ZNF646: variants seen among roughly 807,000 people sequenced by gnomAD.
The protein encoded by ZNF646 is zinc finger protein 646.
ZNF646 carries 49 observed loss-of-function variants against 115.4 expected under a neutral mutation model. The observed-to-expected ratio is 0.42, with a 90% CI of 0.34 to 0.54. The LOEUF (loss-of-function observed/expected upper bound fraction) is 0.54. ZNF646 is among the 20% of genes least tolerant of loss of function. The probability of loss-of-function intolerance (pLI) is 0.04; values close to 1 mark genes in which losing one functional copy is unlikely to be tolerated. For synonymous variants in ZNF646, 933 were observed against 939.0 expected (o/e 0.99, Z 0.12); for missense variants, 2,269 against 2,457.9 (o/e 0.92, Z 1.62).
chr16:31,073,729 A>C (rs531198815), upstream of ZNF646: 2 of 152,220 alleles, frequency 1.3e-5, no homozygotes, highest in Admixed American at 6.5e-5. Context: ...GGACCCTGCC[A>C]AACAGGGGCC....
chr16:31,079,854 T>C lies in ZNF646; in HGVS notation c.3530T>C (p.Val1177Ala). The change falls in exon 2 of 3, where the codon GTG (valine) becomes GCG (alanine). Residue 1177 changes from valine to alanine, a missense_variant. Val to Ala is a moderately conservative substitution (Grantham distance 64). Transcript: ENST00000300850. This position sits in a 1 kb window ranked among gnomAD's most constrained non-coding sequence, Gnocchi z 5.5. ...GAAGAGGTGTGGGAGGAGACCACTG[T>C]GAAGGGGGAGGAGATAGAGCCCAGG... Reference protein sequence around the residue: ...VKEEVWEETTVKGEEIEPRLE... With the variant: ...VKEEVWEETTAKGEEIEPRLE... 8 of 1,613,046 alleles carry C rather than the reference T, an allele frequency of 5.0e-6. No individual in the cohort carries two copies. Among genetic ancestry groups the C allele is most frequent in the Non-Finnish European group, 6.8e-6 (8 of 1,179,512 alleles).
Position 31,079,862 on chromosome 16 carries a change from G to T in ZNF646, c.3538G>T (p.Glu1180Ter). ...EVWEETTVKG[E>*]EIEPRLETAE... The stretch of plus-strand genomic sequence containing the variant: ...GTGGGAGGAGACCACTGTGAAGGGG[G>T]AGGAGATAGAGCCCAGGCTGGAGAC... Residue 1180 changes from glutamate (E) to a stop codon, truncating the protein, a stop_gained, in exon 2 of 3, where the codon GAG becomes TAG. Transcript: ENST00000300850. LOFTEE classifies it high-confidence loss of function. This position sits in a 1 kb window ranked among gnomAD's most constrained non-coding sequence, Gnocchi z 5.5. 1 of 1,613,110 alleles carries T rather than the reference G, an allele frequency of 6.2e-7. No homozygotes were observed. Among genetic ancestry groups the T allele is most frequent in the Non-Finnish European group, 8.5e-7 (1 of 1,179,374 alleles).
In ZNF646 at chr16:31,080,205, G is replaced by A. The variant is rs201617317; in HGVS notation, c.3881G>A (p.Arg1294Gln). The change falls in exon 2 of 3, where the codon CGG becomes CAG. Residue 1294 changes from arginine (R) to glutamine (Q), a missense_variant. By Grantham distance (43) the Arg-to-Gln change is conservative. Transcript: ENST00000300850. ...RGGGGTRKATREDRPFRCGQC... is the reference protein window; with the variant it reads ...RGGGGTRKATQEDRPFRCGQC... ...GGTGGGGGCACCCGAAAGGCGACTC[G>A]GGAAGATCGGCCCTTCCGCTGTGGG... 52 of 1,609,820 alleles carry A rather than the reference G, an allele frequency of 3.2e-5. No individual in the cohort carries two copies. The East Asian group carries it at 6.7e-4, about 21-fold the overall frequency.
At position 31,076,627 on chromosome 16, in the gene ZNF646, C is replaced by T; in HGVS notation, c.303C>T (p.Gly101=). The change falls in exon 2 of 3, where the codon GGC becomes GGT. Residue 101 remains glycine, a synonymous_variant. Coordinates refer to ENST00000300850, the MANE Select transcript of ZNF646 (RefSeq NM_014699.4). ...KSHMRTHAPE[G]RRRHRPPRPK... is the part of the protein sequence containing the mutation. ...ATATGAGGACACATGCTCCTGAGGG[C>T]CGCCGCAGGCACAGGCCCCCACGCC... 1.2e-6 allele frequency: 2 copies of T among 1,612,928 alleles called. No individual in the cohort carries two copies. Among genetic ancestry groups the T allele is most frequent in the Non-Finnish European group, 1.7e-6 (2 of 1,179,770 alleles).
Position 31,078,195 on chromosome 16 carries a change from A to C in ZNF646, c.1871A>C (p.Lys624Thr). The change falls in exon 2 of 3, where the codon AAG (lysine) becomes ACG (threonine). Residue 624 changes from lysine to threonine, a missense_variant. Transcript: ENST00000300850. ...GCCTTTGCCTGCCGAGACTGTGGAA[A>C]GAGCTATCGCCACTCAGGCAGCCTT... Reference protein sequence around the residue: ...PRAFACRDCGKSYRHSGSLIN... With the variant: ...PRAFACRDCGTSYRHSGSLIN... 1 of 1,614,126 alleles carries C rather than the reference A, an allele frequency of 6.2e-7. No individual in the cohort carries two copies. Among genetic ancestry groups the C allele is most frequent in the Admixed American group, 1.7e-5 (1 of 60,028 alleles).
chr16:31,075,105 GTCA>G (rs376931539), intron 1 of ZNF646, among the ~76,000 whole-genome samples: 303 of 152,244 alleles, frequency 2.0e-3, no homozygotes, highest in African/African-American at 7.2e-3. Flanking sequence ...ATGAGTTGCT[GTCA>G]TCATCAGTAT....
At position 31,082,991 on chromosome 16, in the gene ZNF646, A is replaced by G. The variant is rs1178040432; in HGVS notation, c.5398A>G (p.Thr1800Ala). The G allele has an allele frequency of 6.2e-7, 1 of 1,601,460 alleles. No homozygotes were observed. The highest frequency in any genetic ancestry group is 1.3e-5 in the African/African-American group (1 of 74,332). Residue 1800 changes from threonine to alanine, a missense_variant, in exon 3 of 3, where the codon ACG (threonine) becomes GCG (alanine). Coordinates refer to ENST00000300850, the MANE Select transcript of ZNF646 (RefSeq NM_014699.4). The part of the protein sequence containing the change: ...AGSGAPVAPV[T>A]GRGDLPLPPP... ...CCCAGGAGCCCCAGTGGCACCAGTG[A>G]CGGGCAGAGGGGACTTGCCATTGCC...
At position 31,077,411 on chromosome 16, in the gene ZNF646, C is replaced by A. The variant is rs1383452752; in HGVS notation, c.1087C>A (p.Leu363Met). The A allele has an allele frequency of 6.2e-7, 1 of 1,612,832 alleles. No individual in the cohort carries two copies. The highest frequency in any genetic ancestry group is 8.5e-7 in the Non-Finnish European group (1 of 1,179,708). Reference sequence around the variant, plus strand: ...TGCGGAGCTCAGCACCTCTGGGGAGCTGGAGGACAGTGGCCTGGAGGAATA... The same window carrying A: ...TGCGGAGCTCAGCACCTCTGGGGAGATGGAGGACAGTGGCCTGGAGGAATA... ...GSAELSTSGE[L>M]EDSGLEEYRP... The change falls in exon 2 of 3, where the codon CTG becomes ATG. Residue 363 changes from leucine (L) to methionine (M), a missense_variant. Around this residue, in one of 5 missense-constraint regions of ZNF646, gnomAD observed 852 missense variants for 900.2 expected, o/e 0.95. Transcript: ENST00000300850.
Position 31,079,215 on chromosome 16 carries a change from G to A in ZNF646, c.2891G>A (p.Gly964Asp), listed in dbSNP as rs1317288420. The stretch of plus-strand genomic sequence containing the variant: ...TATGGGCACATCTGTGGCTGCTGTG[G>A]TCAGACCTACGATGACCTGGGGAGC... ...AGYGHICGCCGQTYDDLGSLE... is the reference protein window; with the variant it reads ...AGYGHICGCCDQTYDDLGSLE... The change falls in exon 2 of 3, where the codon GGT becomes GAT. Residue 964 changes from glycine (G) to aspartate (D), a missense_variant. Coordinates refer to ENST00000300850, the MANE Select transcript of ZNF646 (RefSeq NM_014699.4). This position sits in a 1 kb window ranked among gnomAD's most constrained non-coding sequence, Gnocchi z 5.5. 1 of 1,613,460 alleles carries A rather than the reference G, an allele frequency of 6.2e-7. No homozygotes were observed. The highest frequency in any genetic ancestry group is 1.3e-5 in the African/African-American group (1 of 74,940).
Position 31,079,670 on chromosome 16 carries a change from G to C in ZNF646, c.3346G>C (p.Glu1116Gln). ...TGAGCCCCAGGTTGGGCCCATCCCA[G>C]AGGCAGCAGGTAGCAGTGAGCTGCA... is the stretch of plus-strand genomic sequence containing the variant. ...GSEPQVGPIP[E>Q]AAGSSELQVG... Residue 1116 changes from glutamate to glutamine, a missense_variant, in exon 2 of 3, where the codon GAG becomes CAG. By Grantham distance (29) the Glu-to-Gln change is conservative. This residue lies in a region of ZNF646 where 1,062 missense variants were observed against 1,172.8 expected (regional missense o/e 0.91). Transcript: ENST00000300850. The surrounding 1 kb of genome is among the most constrained non-coding windows in gnomAD (Gnocchi z 5.5). 6.2e-7 allele frequency: 1 copy of C among 1,613,462 alleles called. No individual in the cohort carries two copies.
At position 31,082,961 on chromosome 16, in the gene ZNF646, C is replaced by T. The variant is rs1390274298; in HGVS notation, c.5378-10C>T. The T allele has an allele frequency of 5.7e-6, 9 of 1,575,558 alleles. No homozygotes were observed. In the African/African-American group the frequency reaches 1.1e-4, roughly 19 times the overall value. On this transcript the variant is annotated splice_polypyrimidine_tract_variant and intron_variant, in intron 2 of 2. Coordinates refer to ENST00000300850, the MANE Select transcript of ZNF646 (RefSeq NM_014699.4). ...CCTCAGTTGGTGACCTCCTCTCTCT[C>T]TCCCCCCAGGAGCCCCAGTGGCACC...
chr16:31,078,127 A>G lies in ZNF646; in HGVS notation c.1803A>G (p.Glu601=), dbSNP rs2057102044. 2.8e-5 allele frequency: 46 copies of G among 1,614,124 alleles called. No homozygotes were observed. The highest frequency in any genetic ancestry group is 4.5e-5 in the East Asian group (2 of 44,884). The change falls in exon 2 of 3, where the codon GAA becomes GAG. Residue 601 remains glutamate, a synonymous_variant. Transcript: ENST00000300850. The part of the protein sequence containing the change: ...ERHGLTHGAG[E]KENSRTETTM... Reference sequence around the variant, plus strand: ...ATGGCCTGACTCATGGGGCAGGGGAAAAGGAAAATAGCAGAACAGAGACCA... The same window carrying G: ...ATGGCCTGACTCATGGGGCAGGGGAGAAGGAAAATAGCAGAACAGAGACCA...
In ZNF646 at chr16:31,078,152, A is replaced by G; in HGVS notation, c.1828A>G (p.Thr610Ala). 6.2e-7 allele frequency: 1 copy of G among 1,614,092 alleles called. No individual in the cohort carries two copies. Among genetic ancestry groups the G allele is most frequent in the Non-Finnish European group, 8.5e-7 (1 of 1,180,048 alleles). Residue 610 changes from threonine to alanine, a missense_variant, in exon 2 of 3, where the codon ACA (threonine) becomes GCA (alanine). Transcript: ENST00000300850. Reference protein sequence around the residue: ...GEKENSRTETTMSPPRAFACR... With the variant: ...GEKENSRTETAMSPPRAFACR... The stretch of plus-strand genomic sequence containing the variant: ...AAAGGAAAATAGCAGAACAGAGACC[A>G]CAATGTCACCTCCTAGGGCCTTTGC...
chr16:31,081,644 A>G lies in ZNF646; in HGVS notation c.5320A>G (p.Ile1774Val). Residue 1774 changes from isoleucine (I) to valine (V), a missense_variant, in exon 2 of 3, where the codon ATC (isoleucine) becomes GTC (valine). Transcript: ENST00000300850. The stretch of plus-strand genomic sequence containing the variant: ...TTGTCCCCGCCACTTCCGCCGCCGA[A>G]TCAGCTTCGTGCAGCACCAGCAGCA... ...PHCPRHFRRR[I>V]SFVQHQQQHQ... is the part of the protein sequence containing the mutation. The G allele has an allele frequency of 1.2e-6, 2 of 1,607,990 alleles. No homozygotes were observed. Among genetic ancestry groups the G allele is most frequent in the Non-Finnish European group, 1.7e-6 (2 of 1,176,582 alleles).
intron 2 of ZNF646, 65 bp from the exon 3 acceptor site, chr16:31,082,906 G>T: frequency 6.5e-7 from 1 of 1,529,216 alleles, no homozygotes; most frequent in African/African-American, 1.4e-5. Flanking sequence ...TGCAGGGCTG[G>T]GAGGGGGTAC....
intron 2 of ZNF646, chr16:31,082,421 C>T: frequency 5.5e-6 from 1 of 181,690 alleles, no homozygotes; most frequent in Non-Finnish European, 1.3e-5. Context: ...ACCCTCTGCA[C>T]ACCTTTAACT....
chr16:31,078,048 A>C lies in ZNF646; in HGVS notation c.1724A>C (p.His575Pro). ...CCAGCAGCAGACAAGACAGCAGCACATATCTGTAGCATCTGTGGGCTGCTC... is the reference window on the plus strand; with the variant it reads ...CCAGCAGCAGACAAGACAGCAGCACCTATCTGTAGCATCTGTGGGCTGCTC... ...ITPAADKTAA[H>P]ICSICGLLFE... Residue 575 changes from histidine to proline, a missense_variant, in exon 2 of 3, where the codon CAT (histidine) becomes CCT (proline). Physicochemically the swap from His to Pro is moderately conservative, Grantham distance 77 (BLOSUM62 -2). Around this residue, in one of 5 missense-constraint regions of ZNF646, gnomAD observed 852 missense variants for 900.2 expected, o/e 0.95. Coordinates refer to ENST00000300850, the MANE Select transcript of ZNF646 (RefSeq NM_014699.4). 1 of 1,614,188 alleles carries C rather than the reference A, an allele frequency of 6.2e-7. No homozygotes were observed. Among genetic ancestry groups the C allele is most frequent in the Non-Finnish European group, 8.5e-7 (1 of 1,180,032 alleles).
chr16:31,078,352 G>A lies in ZNF646; in HGVS notation c.2028G>A (p.Lys676=). ...HSRRRSRRHR[K]RAGGASGGRE... is the part of the protein sequence containing the mutation. The stretch of plus-strand genomic sequence containing the variant: ...GGCGGCGGAGCAGGCGGCATCGGAA[G>A]CGGGCTGGCGGTGCCAGCGGTGGGA... The change falls in exon 2 of 3, where the codon AAG becomes AAA. Residue 676 remains lysine (K), a synonymous_variant. Coordinates refer to ENST00000300850, the MANE Select transcript of ZNF646 (RefSeq NM_014699.4). 1 of 1,613,116 alleles carries A rather than the reference G, an allele frequency of 6.2e-7. No homozygotes were observed. Among genetic ancestry groups the A allele is most frequent in the Non-Finnish European group, 8.5e-7 (1 of 1,179,792 alleles).
At position 31,076,470 on chromosome 16, in the gene ZNF646, G is replaced by A. The variant is rs200254650; in HGVS notation, c.146G>A (p.Arg49His). Reference protein sequence around the residue: ...EEADSIPRPYRCQQCGRGYRH... With the variant: ...EEADSIPRPYHCQQCGRGYRH... Reference sequence around the variant, plus strand: ...GCTGACAGCATCCCTCGGCCCTACCGTTGTCAGCAGTGTGGGCGGGGCTAC... The same window carrying A: ...GCTGACAGCATCCCTCGGCCCTACCATTGTCAGCAGTGTGGGCGGGGCTAC... Residue 49 changes from arginine to histidine, a missense_variant, in exon 2 of 3, where the codon CGT (arginine) becomes CAT (histidine). Coordinates refer to ENST00000300850, the MANE Select transcript of ZNF646 (RefSeq NM_014699.4). The A allele has an allele frequency of 3.5e-5, 56 of 1,613,944 alleles. No individual in the cohort carries two copies. Among genetic ancestry groups the A allele is most frequent in the Admixed American group, 2.0e-4 (12 of 60,008 alleles).
Sources: gnomAD v4.1 joint callset for allele counts (sites outside exome capture counted in the v4.1 genomes callset) on GRCh38, gnomAD v4.1.1 for gene constraint, gnomAD v4.1.1 regional missense constraint, Gnocchi (gnomAD v3.1) non-coding constraint, MANE v1.5 for transcripts, NCBI Gene and HGNC (gene_info 2026-07-23, HGNC 2026-07-21) for gene names.